Variants in EIPR1 observed in about 807,000 individuals in gnomAD.
EIPR1 encodes the protein EARP complex and GARP complex interacting protein 1.
EIPR1 carries 25 observed loss-of-function variants against 48.1 expected under a neutral mutation model. The observed-to-expected ratio is 0.52, with a 90% CI of 0.38 to 0.73. The LOEUF (loss-of-function observed/expected upper bound fraction) is 0.73. Among genes scored for constraint, EIPR1 ranks in the 30% least tolerant of loss-of-function variants. EIPR1 has a pLI of 0.00. For missense variants in EIPR1, 415 were observed against 506.2 expected (o/e 0.82, Z 1.73); for synonymous variants, 204 against 201.9 (o/e 1.01, Z -0.09).
chr2:3,312,339 G>A lies in EIPR1; in HGVS notation c.259+25678C>T, dbSNP rs971727124. ...CTAAGGTTGCACTGCTTTTTAGGCG[G>A]CTGTGGCATAAAATTGAGTTTCCTG... On this transcript the variant is annotated intron_variant, in intron 3 of 8. Transcript: ENST00000382125. This position sits in a 1 kb window ranked among gnomAD's most constrained non-coding sequence, Gnocchi z 5.5. 5.9e-5 allele frequency among the ~76,000 whole-genome samples: 9 copies of A among 152,160 alleles called. No individual in the cohort carries two copies. Among genetic ancestry groups the A allele is most frequent in the Non-Finnish European group, 1.0e-4 (7 of 68,034 alleles).
Position 3,189,658 on chromosome 2 carries a change from G to A in EIPR1, c.990-150C>T, listed in dbSNP as rs978795813. Reference sequence around the variant, plus strand: ...CTGTGGGATGGGAAGAATTAGAGGAGCCCACACCGAGGACGGTGGGGTGGT... The same window carrying A: ...CTGTGGGATGGGAAGAATTAGAGGAACCCACACCGAGGACGGTGGGGTGGT... On this transcript the variant is annotated intron_variant, in intron 8 of 8. Coordinates refer to ENST00000382125, the MANE Select transcript of EIPR1 (RefSeq NM_003310.5). This position sits in a 1 kb window ranked among gnomAD's most constrained non-coding sequence, Gnocchi z 4.6. 31 of 728,138 alleles carry A rather than the reference G, an allele frequency of 4.3e-5. No individual in the cohort carries two copies. In the East Asian group the frequency reaches 8.9e-4, roughly 21 times the overall value. The allele number at this position is 728,138 out of a possible 1,614,324, so 45.1% of individuals were successfully genotyped here.
At chr2:3,321,107 G>A (rs1440305687) in intron 3 of EIPR1, among the ~76,000 whole-genome samples, 1 of 152,178 alleles carries the variant, frequency 6.6e-6, no homozygotes, top group Admixed American at 6.5e-5. Context: ...ACGACACCAC[G>A]CAGCCTCCCG....
At chr2:3,294,000 ATTC>A (rs1362005718) in intron 3 of EIPR1, among the ~76,000 whole-genome samples, 1 of 152,152 alleles carries the variant, frequency 6.6e-6, no homozygotes, top group Non-Finnish European at 1.5e-5. Context: ...AACCTAAACA[ATTC>A]TTTGATGATA....
intron 3 of EIPR1, chr2:3,274,374 T>G (rs1667786022): frequency 6.4e-7 from 1 of 1,550,490 alleles, no homozygotes; most frequent in Admixed American, 2.0e-5. Context: ...GGCAGCTGAC[T>G]TCCCAAGAGC....
chr2:3,194,018 G>A lies in EIPR1; in HGVS notation c.802C>T (p.Leu268=). ...TRNVTEPVKT[L]EEHSHWVWNV... The stretch of plus-strand genomic sequence containing the variant: ...CCCTACCAGTGGGAGTGCTCCTCCA[G>A]GGTCTTCACGGGTTCGGTGACATTT... The change falls in exon 7 of 9, where the codon CTG becomes TTG. Residue 268 remains leucine (L), a synonymous_variant. Transcript: ENST00000382125. 1.2e-6 allele frequency: 2 copies of A among 1,613,774 alleles called. No individual in the cohort carries two copies. The highest frequency in any genetic ancestry group is 1.7e-6 in the Non-Finnish European group (2 of 1,179,996).
Position 3,280,571 on chromosome 2 carries a change from G to A in EIPR1, c.260-23116C>T, listed in dbSNP as rs533955208. On this transcript the variant is annotated intron_variant, in intron 3 of 8. Transcript: ENST00000382125. Reference sequence around the variant, plus strand: ...CACAACCCTGACCGCGCCTGCAGATGGGAAGGGCTCAAGGCTGCGAGCAAA... The same window carrying A: ...CACAACCCTGACCGCGCCTGCAGATAGGAAGGGCTCAAGGCTGCGAGCAAA... Among the ~76,000 whole-genome samples, 109 of 152,324 alleles carry A rather than the reference G, an allele frequency of 7.2e-4. 1 individual carries two copies. The Middle Eastern group carries it at 0.024, about 33-fold the overall frequency.
chr2:3,337,766 T>C (rs546638395), intron 3 of EIPR1, among the ~76,000 whole-genome samples: 2 of 152,312 alleles, frequency 1.3e-5, no homozygotes, highest in South Asian at 4.1e-4. Context: ...ACTCCAGCAC[T>C]GTACTCCCCT....
At chr2:3,198,450 C>T (rs1664886197) in intron 5 of EIPR1, among the ~76,000 whole-genome samples, 2 of 152,234 alleles carry the variant, frequency 1.3e-5, no homozygotes, top group Admixed American at 1.3e-4. Context: ...GCCACATCTT[C>T]ACCTCCCACT....
At chr2:3,318,018 C>T (rs34901404) in intron 3 of EIPR1, among the ~76,000 whole-genome samples, 10,104 of 152,310 alleles carry the variant, frequency 0.066, 353 homozygotes, top group African/African-American at 0.078. Context: ...GGATGCACAG[C>T]ACTTCGGACG....
At chr2:3,319,841 C>T in intron 3 of EIPR1, 1 of 91,636 alleles carries the variant, frequency 1.1e-5, no homozygotes, top group Non-Finnish European at 1.9e-5. Context: ...CAATACTGCA[C>T]CTGTGGGCAA....
intron 2 of EIPR1, among the ~76,000 whole-genome samples, chr2:3,338,403 C>T (rs1670132611): frequency 6.6e-6 from 1 of 152,204 alleles, no homozygotes; most frequent in African/African-American, 2.4e-5. Context: ...CGGTCATATC[C>T]AGTCTTAAAG....
intron 3 of EIPR1, among the ~76,000 whole-genome samples, chr2:3,324,528 G>A (rs1055477825): frequency 1.3e-5 from 2 of 152,220 alleles, no homozygotes; most frequent in African/African-American, 4.8e-5. Flanking sequence ...GTCCTGGGGG[G>A]ATTCTCCCAT....
At chr2:3,200,807 TGG>T in intron 5 of EIPR1, among the ~76,000 whole-genome samples, 1 of 151,466 alleles carries the variant, frequency 6.6e-6, no homozygotes, top group Non-Finnish European at 1.5e-5. Flanking sequence ...GGCAGAACAG[TGG>T]GGGCAGGGCT....
intron 5 of EIPR1, among the ~76,000 whole-genome samples, chr2:3,202,891 C>G (rs1421424927): frequency 6.6e-6 from 1 of 152,204 alleles, no homozygotes; most frequent in Non-Finnish European, 1.5e-5. Context: ...ACCAATTAGC[C>G]TTGCAGCTGA....
At chr2:3,317,752 G>A (rs188309919) in intron 3 of EIPR1, among the ~76,000 whole-genome samples, 6 of 152,296 alleles carry the variant, frequency 3.9e-5, no homozygotes, top group Middle Eastern at 6.8e-3. Flanking sequence ...TGGGTCCTGG[G>A]TCCCTATGAG....
intron 5 of EIPR1, among the ~76,000 whole-genome samples, chr2:3,212,340 C>A (rs1464851834): frequency 1.3e-5 from 2 of 152,200 alleles, no homozygotes; most frequent in African/African-American, 4.8e-5. Context: ...TCTCCTTTCT[C>A]CCCGGCATCC....
chr2:3,258,548 A>G (rs1289584541), intron 3 of EIPR1, among the ~76,000 whole-genome samples: 2 of 152,256 alleles, frequency 1.3e-5, no homozygotes, highest in African/African-American at 4.8e-5. Flanking sequence ...ACAGCATGGC[A>G]TTACAAAATA....
At chr2:3,327,798 T>G (rs536105580) in intron 3 of EIPR1, among the ~76,000 whole-genome samples, 1 of 152,346 alleles carries the variant, frequency 6.6e-6, no homozygotes, top group East Asian at 1.9e-4. Flanking sequence ...ACCATGGTTT[T>G]ATTCTCAATC....
intron 3 of EIPR1, among the ~76,000 whole-genome samples, chr2:3,329,497 G>A (rs2103337968): frequency 1.3e-5 from 2 of 151,194 alleles, no homozygotes; most frequent in African/African-American, 4.9e-5. Flanking sequence ...CTGAATCAGA[G>A]CCCACCCGCC....
Sources: allele counts gnomAD v4.1 joint callset (sites outside exome capture counted in the v4.1 genomes callset), GRCh38; gene constraint gnomAD v4.1.1; non-coding constraint Gnocchi (gnomAD v3.1); transcripts MANE v1.5; gene names NCBI Gene and HGNC (gene_info 2026-07-23, HGNC 2026-07-21).